NSMCE2: variants seen among roughly 807,000 people sequenced by gnomAD.
NSMCE2 encodes the protein E3 SUMO-protein ligase NSE2.
NSMCE2 carries 24 observed loss-of-function variants against 23.8 expected under a neutral mutation model. The observed-to-expected ratio is 1.01, with a 90% CI of 0.73 to 1.42. The LOEUF is 1.42. Among genes scored for constraint, NSMCE2 ranks in the 40% most tolerant of loss-of-function variants. The pLI is 0.00. For synonymous variants in NSMCE2, 92 were observed against 94.1 expected, an observed-to-expected ratio of 0.98 and a Z score of 0.13; for missense variants, 284 against 296.5, an observed-to-expected ratio of 0.96 and a Z score of 0.31.
chr8:125,357,208 T>C lies in NSMCE2; in HGVS notation c.419-11T>C, dbSNP rs1563803818. On this transcript the variant is annotated splice_polypyrimidine_tract_variant and intron_variant, in intron 5 of 7. Coordinates refer to ENST00000287437, the MANE Select transcript of NSMCE2 (RefSeq NM_173685.4). ...ACCAGAGAGGCTTATCAACTCTCCATTTTCCTCTAGGTGGTCTTCAAGCTG... is the reference window on the plus strand; with the variant it reads ...ACCAGAGAGGCTTATCAACTCTCCACTTTCCTCTAGGTGGTCTTCAAGCTG... 6.4e-7 allele frequency: 1 copy of C among 1,565,014 alleles called. No homozygotes were observed. Among genetic ancestry groups the C allele is most frequent in the East Asian group, 2.2e-5 (1 of 44,608 alleles).
At chr8:125,196,515 C>T (rs1823628175) in intron 5 of NSMCE2, among the ~76,000 whole-genome samples, 1 of 152,180 alleles carries the variant, frequency 6.6e-6, no homozygotes, top group Non-Finnish European at 1.5e-5. Context: ...ATCCATGTCC[C>T]TGCAGAGGAC....
intron 5 of NSMCE2, among the ~76,000 whole-genome samples, chr8:125,280,184 G>A (rs1173766871): frequency 1.3e-5 from 2 of 152,186 alleles, no homozygotes; most frequent in Non-Finnish European, 1.5e-5. Flanking sequence ...AAGCAAGAAC[G>A]TGGATAATAT....
intron 5 of NSMCE2, among the ~76,000 whole-genome samples, chr8:125,327,830 AC>A (rs1478197982): frequency 6.6e-6 from 1 of 152,180 alleles, no homozygotes; most frequent in Non-Finnish European, 1.5e-5. Context: ...GTAACTAATT[AC>A]CATAGGGATT....
chr8:125,252,674 T>C (rs1563745146), intron 5 of NSMCE2, among the ~76,000 whole-genome samples: 2 of 152,276 alleles, frequency 1.3e-5, no homozygotes, highest in South Asian at 2.1e-4. Context: ...GGACATCTTA[T>C]AACTGAAGGA....
At chr8:125,198,540 A>G (rs894695079) in intron 5 of NSMCE2, among the ~76,000 whole-genome samples, 2 of 152,232 alleles carry the variant, frequency 1.3e-5, no homozygotes, top group African/African-American at 4.8e-5. Context: ...GATGAAGCCT[A>G]CTTGATCGTG....
intron 5 of NSMCE2, among the ~76,000 whole-genome samples, chr8:125,272,729 A>G (rs1027595026): frequency 8.3e-6 from 1 of 120,442 alleles, no homozygotes; most frequent in African/African-American, 3.3e-5. Flanking sequence ...ATATATATAT[A>G]CACACACACA....
chr8:125,313,183 GGAGAAAGAAAGAGAGA>G (rs1250347957), intron 5 of NSMCE2, among the ~76,000 whole-genome samples: 2 of 131,074 alleles, frequency 1.5e-5, no homozygotes, highest in East Asian at 2.2e-4. Context: ...AAAGAAGGAA[GGAGAAAGAAAGAGAGA>G]GAGAAAGAAA....
intron 5 of NSMCE2, among the ~76,000 whole-genome samples, chr8:125,261,971 C>G (rs1563750231): frequency 6.6e-6 from 1 of 151,910 alleles, no homozygotes; most frequent in African/African-American, 2.4e-5. Flanking sequence ...GTGGCGCACA[C>G]CTGTCATCTC....
chr8:125,303,873 T>C (rs1297372218), intron 5 of NSMCE2, among the ~76,000 whole-genome samples: 5 of 152,226 alleles, frequency 3.3e-5, no homozygotes, highest in South Asian at 4.1e-4. Context: ...AGATATACAT[T>C]GTTTGTATAA....
chr8:125,147,810 G>A (rs1159266798), intron 3 of NSMCE2, among the ~76,000 whole-genome samples: 1 of 152,126 alleles, frequency 6.6e-6, no homozygotes, highest in African/African-American at 2.4e-5. Context: ...AAGTCAAGAG[G>A]TTTTTACTGC....
chr8:125,131,985 G>T (rs962818613), intron 3 of NSMCE2, among the ~76,000 whole-genome samples: 1 of 152,150 alleles, frequency 6.6e-6, no homozygotes, highest in East Asian at 1.9e-4. Context: ...GCTTTGCTTT[G>T]GGGGATTCAT....
chr8:125,285,692 G>A (rs1827862203), intron 5 of NSMCE2, among the ~76,000 whole-genome samples: 1 of 151,954 alleles, frequency 6.6e-6, no homozygotes, highest in Admixed American at 6.6e-5. Flanking sequence ...TGTAATAGCA[G>A]ACCCAATATA....
intron 4 of NSMCE2, among the ~76,000 whole-genome samples, chr8:125,167,836 C>T (rs1821973211): frequency 6.6e-6 from 1 of 151,164 alleles, no homozygotes; most frequent in African/African-American, 2.4e-5. Context: ...TTTCTCAGTT[C>T]CACATGCTGT....
intron 7 of NSMCE2, among the ~76,000 whole-genome samples, chr8:125,365,995 C>T (rs866989902): frequency 3.9e-5 from 6 of 152,190 alleles, no homozygotes; most frequent in Admixed American, 1.3e-4. Flanking sequence ...CAAGCTGGAA[C>T]GTCCTCAGCA....
At chr8:125,185,576 G>T (rs1327396430) in intron 5 of NSMCE2, among the ~76,000 whole-genome samples, 2 of 152,172 alleles carry the variant, frequency 1.3e-5, no homozygotes, top group African/African-American at 4.8e-5. Flanking sequence ...AAAATGTTGG[G>T]ATTACAGGCG....
intron 5 of NSMCE2, among the ~76,000 whole-genome samples, chr8:125,204,659 T>C (rs938872395): frequency 2.0e-5 from 3 of 152,182 alleles, no homozygotes; most frequent in African/African-American, 7.2e-5. Flanking sequence ...GGTTTTACTT[T>C]ACATTTACCA....
chr8:125,295,934 C>T (rs115594496), intron 5 of NSMCE2, among the ~76,000 whole-genome samples: 1,537 of 152,288 alleles, frequency 0.01, 36 homozygotes, highest in African/African-American at 0.034. Context: ...TAAACTACTG[C>T]ATAATCCTGA....
intron 1 of NSMCE2, among the ~76,000 whole-genome samples, chr8:125,098,706 A>C (rs1818049202): frequency 6.6e-6 from 1 of 151,506 alleles, no homozygotes; most frequent in Admixed American, 6.6e-5. Flanking sequence ...AGAAGGATCA[A>C]GTATGAACCA....
At chr8:125,222,001 C>T (rs902923936) in intron 5 of NSMCE2, among the ~76,000 whole-genome samples, 6 of 152,170 alleles carry the variant, frequency 3.9e-5, no homozygotes, top group African/African-American at 1.4e-4. Flanking sequence ...AAATATTCAC[C>T]TTATTTGGCC....
Sources: allele counts gnomAD v4.1 joint callset (sites outside exome capture counted in the v4.1 genomes callset), GRCh38; gene constraint gnomAD v4.1.1; transcripts MANE v1.5; gene names NCBI Gene and HGNC (gene_info 2026-07-23, HGNC 2026-07-21).